Variants in ARHGAP20 observed in about 807,000 individuals in gnomAD.
ARHGAP20 encodes Rho GTPase activating protein 20, also known as rho GTPase-activating protein 20.
A neutral mutation model predicts 73.7 loss-of-function variants in ARHGAP20; 34 were observed. That is an observed-to-expected ratio of 0.46 (90% CI 0.35 to 0.61). The LOEUF (loss-of-function observed/expected upper bound fraction) is 0.61. Among genes scored for constraint, ARHGAP20 ranks in the 20% least tolerant of loss-of-function variants. The pLI is 0.00. For missense variants in ARHGAP20, 1,314 were observed against 1,420.9 expected (o/e 0.92, Z 1.21); for synonymous variants, 523 against 518.2 (o/e 1.01, Z -0.13).
chr11:110,588,941 G>A lies in ARHGAP20; in HGVS notation c.1305+1707C>T, dbSNP rs546183717. On this transcript the variant is annotated intron_variant, in intron 11 of 14. Transcript: ENST00000683387. ...AAAAAAATTTGCCAGGCGTGGTGTCGGGCAACTGTAGTCCCAGCTACTCAG... is the reference window on the plus strand; with the variant it reads ...AAAAAAATTTGCCAGGCGTGGTGTCAGGCAACTGTAGTCCCAGCTACTCAG... 3.9e-5 allele frequency among the ~76,000 whole-genome samples: 6 copies of A among 152,116 alleles called. No homozygotes were observed. The South Asian group carries it at 6.2e-4, about 16-fold the overall frequency.
intron 1 of ARHGAP20, among the ~76,000 whole-genome samples, chr11:110,703,261 T>C (rs1950491491): frequency 6.6e-6 from 1 of 152,164 alleles, no homozygotes; most frequent in African/African-American, 2.4e-5. Flanking sequence ...AAGAATTGAT[T>C]TTACTTTCCA....
intron 2 of ARHGAP20, among the ~76,000 whole-genome samples, chr11:110,683,530 TG>T (rs2135099326): frequency 6.6e-6 from 1 of 152,226 alleles, no homozygotes; most frequent in African/African-American, 2.4e-5. Flanking sequence ...AAATAATAAC[TG>T]AACAGCAAGT....
In ARHGAP20 at chr11:110,579,938, C is replaced by A; in HGVS notation, c.3008G>T (p.Gly1003Val). The change falls in exon 15 of 15, where the codon GGT becomes GTT. Residue 1003 changes from glycine (G) to valine (V), a missense_variant. By Grantham distance (109) the Gly-to-Val change is moderately radical. This residue lies in a region of ARHGAP20 where 641 missense variants were observed against 636.9 expected (regional missense o/e 1.01). Transcript: ENST00000683387. ...SNASHVSGMP[G>V]PSSGQACSRP... ...GCTGCAAGCCTGCCCTGATGAGGGA[C>A]CGGGCATTCCGGAAACATGGCTGGC... The A allele has an allele frequency of 6.2e-7, 1 of 1,614,202 alleles. No individual in the cohort carries two copies. Among genetic ancestry groups the A allele is most frequent in the Non-Finnish European group, 8.5e-7 (1 of 1,180,036 alleles).
Position 110,654,799 on chromosome 11 carries a change from G to A in ARHGAP20, c.189-24007C>T, listed in dbSNP as rs536740323. ...ATTCTCCAGCATAAAGGCCTACCTG[G>A]AAAGAGAGGTTACAGGGAAAGTGCT... On this transcript the variant is annotated intron_variant, in intron 2 of 14. Coordinates refer to ENST00000683387, the MANE Select transcript of ARHGAP20 (RefSeq NM_001384657.1). Among the ~76,000 whole-genome samples the A allele has an allele frequency of 2.0e-5, 3 of 152,296 alleles. No homozygotes were observed. In the East Asian group the frequency reaches 5.8e-4, roughly 29 times the overall value.
intron 8 of ARHGAP20, 128 bp downstream of exon 8, chr11:110,608,856 A>G: frequency 6.9e-6 from 5 of 720,638 alleles, no homozygotes. Flanking sequence ...GATCTTTATT[A>G]AATGAACACC....
At chr11:110,695,128 G>A (rs536041365) in intron 1 of ARHGAP20, among the ~76,000 whole-genome samples, 8 of 151,558 alleles carry the variant, frequency 5.3e-5, no homozygotes, top group Non-Finnish European at 1.0e-4. Flanking sequence ...ATGGTGCTGA[G>A]ATAATGGGAT....
At chr11:110,693,572 T>C (rs540576534) in intron 1 of ARHGAP20, among the ~76,000 whole-genome samples, 13 of 152,098 alleles carry the variant, frequency 8.5e-5, no homozygotes, top group South Asian at 4.1e-4. Context: ...AGGGGCTTAA[T>C]AGATTTAGAT....
rs534140267 is a variant in ARHGAP20, at chr11:110,590,927, T to C, written c.1144-118A>G. On this transcript the variant is annotated intron_variant, in intron 10 of 14. Transcript: ENST00000683387. ...GCGCTAGGGTAAAAGCACTGAAGGA[T>C]TGGAGCTAAATAAATGGCCGGAAAA... 1.3e-5 allele frequency: 14 copies of C among 1,045,784 alleles called. No individual in the cohort carries two copies. The East Asian group carries it at 1.7e-4, about 12-fold the overall frequency. The allele number at this position is 1,045,784 out of a possible 1,614,324, so 64.8% of individuals were successfully genotyped here. A position where few individuals can be genotyped will look rare whatever the true frequency, so the allele number is the denominator to read the frequency against.
At chr11:110,581,947 AAC>A (rs1229719137) in intron 14 of ARHGAP20, among the ~76,000 whole-genome samples, 4 of 151,932 alleles carry the variant, frequency 2.6e-5, no homozygotes, top group East Asian at 3.9e-4. Flanking sequence ...AAAAAAAAAA[AAC>A]ATTCATGCCT....
At chr11:110,640,741 A>G (rs1949060591) in intron 2 of ARHGAP20, among the ~76,000 whole-genome samples, 1 of 138,090 alleles carries the variant, frequency 7.2e-6, no homozygotes, top group South Asian at 2.5e-4. Context: ...TGTAACTTCA[A>G]TGATTAAATA....
chr11:110,579,117 A>G lies in ARHGAP20; in HGVS notation c.*253T>C, dbSNP rs1331153667. The G allele has an allele frequency of 2.7e-6, 3 of 1,114,092 alleles. No homozygotes were observed. The highest frequency in any genetic ancestry group is 3.4e-5 in the South Asian group (1 of 29,744). The allele number at this position is 1,114,092 out of a possible 1,614,324, so 69.0% of individuals were successfully genotyped here. A position where few individuals can be genotyped will look rare whatever the true frequency, so the allele number is the denominator to read the frequency against. On this transcript the variant is annotated 3_prime_UTR_variant, in exon 15 of 15. Transcript: ENST00000683387. ...TCTCTAGCCCTCTGTTAGTATCTCT[A>G]AAACCACATGACAGGACCAATCCCA...
At chr11:110,663,131 T>C (rs751050116) in intron 2 of ARHGAP20, among the ~76,000 whole-genome samples, 14 of 151,540 alleles carry the variant, frequency 9.2e-5, no homozygotes, top group Admixed American at 3.9e-4. Flanking sequence ...AGTTCACACC[T>C]TAAGAAACTT....
rs1314198928 is a variant in ARHGAP20, at chr11:110,653,773, A to G, written c.189-22981T>C. 4.6e-5 allele frequency among the ~76,000 whole-genome samples: 7 copies of G among 152,074 alleles called. 1 individual carries two copies. The highest frequency in any genetic ancestry group is 4.6e-4 in the Admixed American group (7 of 15,244). Reference sequence around the variant, plus strand: ...TTCTATTATAAAGATACATGCACACATACTTTTATTGCAGCACAATAACAA... The same window carrying G: ...TTCTATTATAAAGATACATGCACACGTACTTTTATTGCAGCACAATAACAA... On this transcript the variant is annotated intron_variant, in intron 2 of 14. Coordinates refer to ENST00000683387, the MANE Select transcript of ARHGAP20 (RefSeq NM_001384657.1).
intron 2 of ARHGAP20, among the ~76,000 whole-genome samples, chr11:110,661,354 T>C (rs866159823): frequency 3.3e-5 from 5 of 152,136 alleles, no homozygotes; most frequent in African/African-American, 9.6e-5. Flanking sequence ...AAATTCATTC[T>C]CATAATTTAG....
intron 9 of ARHGAP20, among the ~76,000 whole-genome samples, chr11:110,601,541 T>A (rs1481296235): frequency 2.0e-5 from 3 of 152,244 alleles, no homozygotes; most frequent in Non-Finnish European, 2.9e-5. Flanking sequence ...AATCATTCAA[T>A]CAGAGGGCAC....
intron 2 of ARHGAP20, among the ~76,000 whole-genome samples, chr11:110,686,514 T>G (rs1565477369): frequency 6.6e-6 from 1 of 152,182 alleles, no homozygotes; most frequent in African/African-American, 2.4e-5. Flanking sequence ...AAATATGTAT[T>G]ACTTTTGTCA....
chr11:110,640,111 T>C (rs990396732), intron 2 of ARHGAP20, among the ~76,000 whole-genome samples: 26 of 152,042 alleles, frequency 1.7e-4, no homozygotes, highest in Admixed American at 5.3e-4. Context: ...CATAAAGTCA[T>C]TTCTTATGTT....
At chr11:110,607,466 A>T (rs984890585) in intron 8 of ARHGAP20, among the ~76,000 whole-genome samples, 7 of 152,238 alleles carry the variant, frequency 4.6e-5, no homozygotes, top group Non-Finnish European at 1.0e-4. Flanking sequence ...TTAACTCTTT[A>T]GTATTCTAAG....
At chr11:110,671,489 T>C (rs552541059) in intron 2 of ARHGAP20, among the ~76,000 whole-genome samples, 1 of 152,128 alleles carries the variant, frequency 6.6e-6, no homozygotes, top group Admixed American at 6.5e-5. Flanking sequence ...ACAGTAGAAG[T>C]TTTAGTACAC....
Sources: gnomAD v4.1 joint callset for allele counts (sites outside exome capture counted in the v4.1 genomes callset) on GRCh38, gnomAD v4.1.1 for gene constraint, gnomAD v4.1.1 regional missense constraint, MANE v1.5 for transcripts, NCBI Gene and HGNC (gene_info 2026-07-23, HGNC 2026-07-21) for gene names.